ABHD2: variants seen among roughly 807,000 people sequenced by gnomAD.
ABHD2 encodes the protein abhydrolase domain containing 2, acylglycerol lipase.
A neutral mutation model predicts 48.1 loss-of-function variants in ABHD2; 20 were observed. The ratio of observed to expected loss-of-function variants is 0.42; its 90% CI spans 0.29 to 0.60. The LOEUF is 0.60. Ranked by LOEUF, ABHD2 falls within the 20% of genes least tolerant of loss-of-function variation. ABHD2 has a pLI of 0.24. For missense variants in ABHD2, 405 were observed against 550.9 expected (o/e 0.74, Z 2.65); for synonymous variants, 209 against 214.2 (o/e 0.98, Z 0.21).
Position 89,187,729 on chromosome 15 carries a change from T to C in ABHD2, c.816-464T>C, listed in dbSNP as rs138485172. Among the ~76,000 whole-genome samples, 114 of 152,386 alleles carry C rather than the reference T, an allele frequency of 7.5e-4. No homozygotes were observed. In the East Asian group the frequency reaches 0.011, roughly 15 times the overall value. On this transcript the variant is annotated intron_variant, in intron 7 of 10. Transcript: ENST00000352732. ...GCTGTTGGTTTGCCCAAATGCTAAA[T>C]GAGTTAACCCTTGTCTTCCTCGCTT...
Position 89,116,384 on chromosome 15 carries a change from G to A in ABHD2, c.57G>A (p.Leu19=), listed in dbSNP as rs1320652612. Residue 19 remains leucine, a synonymous_variant, in exon 3 of 11, where the codon CTG becomes CTA. Transcript: ENST00000352732. The surrounding 1 kb of genome is among the most constrained non-coding windows in gnomAD (Gnocchi z 4.6). ...CAGCCGTGTTTGATGGAGTGAAGCT[G>A]GCTGCAGTGGCTGCTGTGCTGTACG... ...ELPAVFDGVK[L]AAVAAVLYVI... The A allele has an allele frequency of 6.2e-7, 1 of 1,614,208 alleles. No individual in the cohort carries two copies. Among genetic ancestry groups the A allele is most frequent in the Non-Finnish European group, 8.5e-7 (1 of 1,180,030 alleles).
At chr15:89,141,614 C>T (rs1482723061) in intron 3 of ABHD2, among the ~76,000 whole-genome samples, 10 of 151,820 alleles carry the variant, frequency 6.6e-5, no homozygotes, top group African/African-American at 2.2e-4. Context: ...GCCTGGGCAA[C>T]TCTGTCTCAA....
At chr15:89,081,711 C>T in the ABHD2 span, among the ~76,000 whole-genome samples, 34 of 152,088 alleles carry the variant, frequency 2.2e-4, no homozygotes, top group African/African-American at 7.2e-4. Flanking sequence ...ATTAGACAGA[C>T]GTGGTGGCGC....
rs780388252 is a variant in ABHD2, at chr15:89,195,425, GC to G, written c.*4del. Reference sequence around the variant, plus strand: ...CAGGTGGAGGCCGACCTGGAGTGAGGCCTCCGGACTCTGGCACGCTCCAGCA... The same window carrying G: ...CAGGTGGAGGCCGACCTGGAGTGAGGCTCCGGACTCTGGCACGCTCCAGCA... On this transcript the variant is annotated 3_prime_UTR_variant, in exon 11 of 11. Transcript: ENST00000352732. This position sits in a 1 kb window ranked among gnomAD's most constrained non-coding sequence, Gnocchi z 5.1. 6.2e-7 allele frequency: 1 copy of G among 1,610,842 alleles called. No individual in the cohort carries two copies. Among genetic ancestry groups the G allele is most frequent in the South Asian group, 1.1e-5 (1 of 90,728 alleles).
intron 1 of ABHD2, among the ~76,000 whole-genome samples, chr15:89,111,122 A>G (rs558550430): frequency 1.1e-4 from 17 of 152,328 alleles, no homozygotes; most frequent in African/African-American, 4.1e-4. Context: ...GCTTTATCAC[A>G]TATATAATTG....
the ABHD2 span, chr15:89,082,429 G>C: frequency 1.3e-5 from 2 of 152,188 alleles, no homozygotes; most frequent in African/African-American, 4.8e-5. This position sits in a 1 kb window ranked among gnomAD's most constrained non-coding sequence, Gnocchi z 4.4. Flanking sequence ...TCATCTTCTC[G>C]CCTACTGGGT....
chr15:89,099,538 A>C (rs989260083), intron 1 of ABHD2, among the ~76,000 whole-genome samples: 1 of 152,224 alleles, frequency 6.6e-6, no homozygotes, highest in African/African-American at 2.4e-5. Context: ...ACTTGAGCCC[A>C]GGAGTTCAGA....
chr15:89,148,529 G>A (rs978956821), intron 3 of ABHD2, among the ~76,000 whole-genome samples: 10 of 152,218 alleles, frequency 6.6e-5, no homozygotes, highest in African/African-American at 2.4e-4. Context: ...TTTTTTAGAA[G>A]GCAACTTGGC....
Position 89,175,110 on chromosome 15 carries a change from C to G in ABHD2, c.539-702C>G, listed in dbSNP as rs1265763813. Among the ~76,000 whole-genome samples, 1 of 152,206 alleles carries G rather than the reference C, an allele frequency of 6.6e-6. No homozygotes were observed. Among genetic ancestry groups the G allele is most frequent in the Non-Finnish European group, 1.5e-5 (1 of 68,034 alleles). On this transcript the variant is annotated intron_variant, in intron 5 of 10. Coordinates refer to ENST00000352732, the MANE Select transcript of ABHD2 (RefSeq NM_152924.5). This position sits in a 1 kb window ranked among gnomAD's most constrained non-coding sequence, Gnocchi z 5.7. Reference sequence around the variant, plus strand: ...GTCAAGAAGATTCTGTAAATAACATCCACTTGCTACTTTTCTTAACACCAT... The same window carrying G: ...GTCAAGAAGATTCTGTAAATAACATGCACTTGCTACTTTTCTTAACACCAT...
At chr15:89,073,447 G>A in the ABHD2 span, among the ~76,000 whole-genome samples, 18 of 152,070 alleles carry the variant, frequency 1.2e-4, no homozygotes, top group Admixed American at 5.2e-4. Flanking sequence ...AGGTGCCCAC[G>A]ACCATGCCTG....
the ABHD2 span, among the ~76,000 whole-genome samples, chr15:89,044,845 T>G: frequency 5.5e-4 from 84 of 152,206 alleles, no homozygotes; most frequent in African/African-American, 2.0e-3. Flanking sequence ...TTCCTCCCAT[T>G]TTGTAGGTTG....
At chr15:89,148,052 G>A (rs2050524872) in intron 3 of ABHD2, among the ~76,000 whole-genome samples, 1 of 138,230 alleles carries the variant, frequency 7.2e-6, no homozygotes, top group African/African-American at 2.7e-5. Context: ...CCGGGAGGCA[G>A]AGGTAGCAGT....
chr15:89,129,307 C>A (rs2050183321), intron 3 of ABHD2, among the ~76,000 whole-genome samples: 1 of 152,060 alleles, frequency 6.6e-6, no homozygotes, highest in African/African-American at 2.4e-5. Context: ...GGGAGAGAAC[C>A]AGCAGCCTCC....
At chr15:89,046,497 G>A in the ABHD2 span, among the ~76,000 whole-genome samples, 1,938 of 151,776 alleles carry the variant, frequency 0.013, 40 homozygotes, top group African/African-American at 0.045. Context: ...TGTACCTCTG[G>A]TAGAATTTGG....
At chr15:89,133,713 CA>C (rs1327781534) in intron 3 of ABHD2, among the ~76,000 whole-genome samples, 6 of 152,098 alleles carry the variant, frequency 3.9e-5, no homozygotes, top group Admixed American at 1.3e-4. Flanking sequence ...TTTTCCTAAT[CA>C]TTTGAGGGAG....
chr15:89,065,114 C>T, the ABHD2 span, among the ~76,000 whole-genome samples: 4 of 152,134 alleles, frequency 2.6e-5, no homozygotes, highest in African/African-American at 9.7e-5. Flanking sequence ...ATCTTGGATC[C>T]TGGCCTTCCT....
chr15:89,093,486 C>T (rs1019155360), intron 1 of ABHD2: 3 of 152,408 alleles, frequency 2.0e-5, no homozygotes, highest in African/African-American at 7.2e-5. Flanking sequence ...TCCAGCATCT[C>T]TGTTGCATTT....
At chr15:89,139,049 C>T in intron 3 of ABHD2, among the ~76,000 whole-genome samples, 1 of 151,578 alleles carries the variant, frequency 6.6e-6, no homozygotes, top group Non-Finnish European at 1.5e-5. Flanking sequence ...GACCCTGTCT[C>T]TACAAAAAAA....
the ABHD2 span, among the ~76,000 whole-genome samples, chr15:89,069,475 T>A: frequency 6.6e-6 from 1 of 151,966 alleles, no homozygotes; most frequent in Non-Finnish European, 1.5e-5. Flanking sequence ...AGTTTAGAAC[T>A]CTCCAATTGT....
Sources: allele counts gnomAD v4.1 joint callset (sites outside exome capture counted in the v4.1 genomes callset), GRCh38; gene constraint gnomAD v4.1.1; non-coding constraint Gnocchi (gnomAD v3.1); transcripts MANE v1.5; gene names NCBI Gene and HGNC (gene_info 2026-07-23, HGNC 2026-07-21).